Variants in SLC36A1 observed in about 807,000 individuals in gnomAD.
The protein encoded by SLC36A1 is solute carrier family 36 member 1.
SLC36A1 carries 30 observed loss-of-function variants against 47.5 expected under a neutral mutation model. The observed-to-expected ratio is 0.63, with a 90% CI of 0.47 to 0.86. The LOEUF (loss-of-function observed/expected upper bound fraction) is 0.86, where lower values mean the gene tolerates loss of function less well. Among genes scored for constraint, SLC36A1 ranks in the 40% least tolerant of loss-of-function variants. The probability of loss-of-function intolerance (pLI) is 0.00; values close to 1 mark genes in which losing one functional copy is unlikely to be tolerated. For missense variants in SLC36A1, 517 were observed against 606.0 expected (o/e 0.85, Z 1.54); for synonymous variants, 255 against 249.7 (o/e 1.02, Z -0.20).
At chr5:151,365,515 G>T in the SLC36A1 span, among the ~76,000 whole-genome samples, 19 of 152,134 alleles carry the variant, frequency 1.2e-4, no homozygotes, top group Admixed American at 4.6e-4. Flanking sequence ...TCTGAAGTAG[G>T]GAGAGCAAAG....
the SLC36A1 span, among the ~76,000 whole-genome samples, chr5:151,371,708 T>A: frequency 2.4e-4 from 36 of 152,322 alleles, no homozygotes; most frequent in East Asian, 3.9e-4. Context: ...GGATTTTTTT[T>A]AAAAACACTC....
chr5:151,377,303 TG>T, the SLC36A1 span, among the ~76,000 whole-genome samples: 2 of 151,376 alleles, frequency 1.3e-5, no homozygotes, highest in African/African-American at 4.9e-5. Flanking sequence ...ATGCTATGAG[TG>T]GGGTATTGAA....
At chr5:151,388,523 A>AAAAC in the SLC36A1 span, among the ~76,000 whole-genome samples, 1 of 150,744 alleles carries the variant, frequency 6.6e-6, no homozygotes, top group Non-Finnish European at 1.5e-5. Context: ...AAAAAAAAAA[A>AAAAC]AGAACTTTGG....
At chr5:151,395,866 G>C in the SLC36A1 span, among the ~76,000 whole-genome samples, 1 of 152,222 alleles carries the variant, frequency 6.6e-6, no homozygotes, top group Admixed American at 6.5e-5. Context: ...CTGGAGTGCA[G>C]TGGCACAATC....
At chr5:151,540,697 T>A in the SLC36A1 span, 2 of 1,614,090 alleles carry the variant, frequency 1.2e-6, no homozygotes, top group African/African-American at 1.3e-5. Flanking sequence ...GTCCAGGGTC[T>A]TCCTTGAGGA....
chr5:151,414,532 C>A, the SLC36A1 span, among the ~76,000 whole-genome samples: 1 of 152,186 alleles, frequency 6.6e-6, no homozygotes, highest in Non-Finnish European at 1.5e-5. Flanking sequence ...CCTGTTTCAT[C>A]TGTCGTTGCT....
chr5:151,375,412 G>A, the SLC36A1 span, among the ~76,000 whole-genome samples: 1 of 152,076 alleles, frequency 6.6e-6, no homozygotes, highest in Non-Finnish European at 1.5e-5. Flanking sequence ...CTGTTCCATT[G>A]GTCTTTGTGT....
At chr5:151,512,915 G>A in the SLC36A1 span, 1 of 385,766 alleles carries the variant, frequency 2.6e-6, no homozygotes, top group Non-Finnish European at 4.8e-6. This position sits in a 1 kb window ranked among gnomAD's most constrained non-coding sequence, Gnocchi z 4.1. Context: ...CTTCTTCACA[G>A]GCCTGTCCAG....
At chr5:151,553,239 T>C in the SLC36A1 span, 1 of 1,614,194 alleles carries the variant, frequency 6.2e-7, no homozygotes, top group East Asian at 2.2e-5. Context: ...CACCATGTGG[T>C]TCACAGGGTC....
chr5:151,448,884 G>A (rs1408114095), intron 1 of SLC36A1, among the ~76,000 whole-genome samples: 3 of 152,026 alleles, frequency 2.0e-5, no homozygotes, highest in Non-Finnish European at 4.4e-5. Context: ...GCTGTGATCT[G>A]GATGTTGTGC....
intron 4 of SLC36A1, among the ~76,000 whole-genome samples, 162 bp downstream of exon 4, chr5:151,464,764 G>A (rs111679908): frequency 1.7e-4 from 26 of 152,208 alleles, no homozygotes; most frequent in East Asian, 1.2e-3. Flanking sequence ...TTATTTTTGC[G>A]TTCTTTTCTG....
chr5:151,525,672 T>A, the SLC36A1 span: 1 of 1,397,916 alleles, frequency 7.2e-7, no homozygotes. Flanking sequence ...AAGTGCTTTG[T>A]ACATTTTTTC....
the SLC36A1 span, among the ~76,000 whole-genome samples, chr5:151,523,776 A>G: frequency 6.6e-6 from 1 of 152,032 alleles, no homozygotes; most frequent in Non-Finnish European, 1.5e-5. Context: ...CCCACTGGAC[A>G]CCTCTGCTTG....
At chr5:151,465,195 A>T (rs1301257933) in intron 5 of SLC36A1, 26 bp downstream of exon 5, 1 of 1,583,962 alleles carries the variant, frequency 6.3e-7, no homozygotes, top group Admixed American at 1.7e-5. Context: ...CTTCCTTTCA[A>T]CTGTGGCCTC....
chr5:151,352,296 G>C, the SLC36A1 span, among the ~76,000 whole-genome samples: 82,161 of 151,910 alleles, frequency 0.54, 25,154 homozygotes, highest in African/African-American at 0.85. Flanking sequence ...TGTTGTTTAT[G>C]TCCTCCCACT....
the SLC36A1 span, among the ~76,000 whole-genome samples, chr5:151,356,836 C>T: frequency 6.9e-4 from 105 of 152,286 alleles, no homozygotes; most frequent in African/African-American, 2.5e-3. Flanking sequence ...CCTAACATTT[C>T]CCTTCAACCT....
intron 1 of SLC36A1, among the ~76,000 whole-genome samples, chr5:151,437,669 T>A (rs1759850422): frequency 6.6e-6 from 1 of 152,216 alleles, no homozygotes; most frequent in Non-Finnish European, 1.5e-5. Context: ...TAGTTCTTTA[T>A]TGCTTACCTT....
the SLC36A1 span, among the ~76,000 whole-genome samples, chr5:151,508,151 A>G: frequency 2.0e-5 from 3 of 152,208 alleles, no homozygotes; most frequent in Non-Finnish European, 4.4e-5. Context: ...GTGAAGCTCC[A>G]GGGAAACTTC....
chr5:151,358,240 T>C, the SLC36A1 span, among the ~76,000 whole-genome samples: 82 of 152,232 alleles, frequency 5.4e-4, 1 homozygote, highest in Admixed American at 3.9e-3. Flanking sequence ...GGAGACAGCC[T>C]CAGGCCAGAT....
Sources: allele counts gnomAD v4.1 joint callset (sites outside exome capture counted in the v4.1 genomes callset), GRCh38; gene constraint gnomAD v4.1.1; non-coding constraint Gnocchi (gnomAD v3.1); transcripts MANE v1.5; gene names NCBI Gene and HGNC (gene_info 2026-07-23, HGNC 2026-07-21).